Variants in SETBP1 observed in about 807,000 individuals in gnomAD.
SETBP1 encodes SET binding protein 1, also known as SET-binding protein.
SETBP1 carries 9 observed loss-of-function variants against 101.0 expected under a neutral mutation model. The ratio of observed to expected loss-of-function variants is 0.09; its 90% CI spans 0.05 to 0.16. The LOEUF (loss-of-function observed/expected upper bound fraction) is 0.16, where lower values mean the gene tolerates loss of function less well. Among genes scored for constraint, SETBP1 ranks in the 10% least tolerant of loss-of-function variants. The pLI, the probability that SETBP1 is intolerant of heterozygous loss-of-function variation, is 1.00. For missense variants in SETBP1, 1,858 were observed against 2,033.8 expected, an observed-to-expected ratio of 0.91 and a Z score of 1.66; for synonymous variants, 818 against 788.5, an observed-to-expected ratio of 1.04 and a Z score of -0.63.
At chr18:44,683,998 G>A (rs1314470699) in intron 1 of SETBP1, among the ~76,000 whole-genome samples, 2 of 152,224 alleles carry the variant, frequency 1.3e-5, no homozygotes, top group Non-Finnish European at 2.9e-5. Flanking sequence ...GTGTATGTGA[G>A]AGTCCTACCA....
chr18:44,854,650 G>A (rs12454763), intron 2 of SETBP1, among the ~76,000 whole-genome samples: 53,749 of 152,014 alleles, frequency 0.35, 9,942 homozygotes, highest in Non-Finnish European at 0.41. Context: ...CCTTGGCATC[G>A]TCCTTCACTC....
chr18:44,817,067 G>A (rs566096637), intron 2 of SETBP1, among the ~76,000 whole-genome samples: 3 of 152,320 alleles, frequency 2.0e-5, no homozygotes, highest in African/African-American at 7.2e-5. Flanking sequence ...ATCGACAGGA[G>A]GCGGATCTGC....
Position 45,063,532 on chromosome 18 carries a change from C to CGCCGCCG in SETBP1, c.4625_4626insGCCGCCG (p.Leu1544ProfsTer50). The CGCCGCCG allele has an allele frequency of 7.2e-7, 1 of 1,387,410 alleles. No homozygotes were observed. The highest frequency in any genetic ancestry group is 9.5e-7 in the Non-Finnish European group (1 of 1,055,448). 85.9% of individuals were successfully genotyped at this position (1,387,410 alleles called of 1,614,324 possible). A position where few individuals can be genotyped will look rare whatever the true frequency, so the allele number is the denominator to read the frequency against. ...CCGCCACCACCCCTGCCCCCGCCAC[C>CGCCGCCG]CCCTCTACCCAAGACCCCCCGAGGC... On this transcript the variant is annotated frameshift_variant, in exon 6 of 6. Transcript: ENST00000649279. LOFTEE classifies it high-confidence loss of function.
chr18:44,988,530 T>A (rs1365904964), intron 4 of SETBP1: 1 of 152,232 alleles, frequency 6.6e-6, no homozygotes, highest in East Asian at 1.9e-4. Flanking sequence ...GTACAGGTTC[T>A]GAGATGCTAA....
At chr18:44,931,840 C>T (rs578192291) in intron 3 of SETBP1, among the ~76,000 whole-genome samples, 105 of 152,240 alleles carry the variant, frequency 6.9e-4, no homozygotes, top group Non-Finnish European at 1.4e-3. Flanking sequence ...TGTCTCTGCA[C>T]GTGAGATGGG....
chr18:44,782,313 T>C (rs948368772), intron 2 of SETBP1, among the ~76,000 whole-genome samples: 1 of 7,990 alleles, frequency 1.3e-4, no homozygotes, highest in African/African-American at 2.8e-4. Context: ...AAATAAACTC[T>C]TTTTTTTTTT....
At chr18:44,997,018 G>T (rs1173930810) in intron 4 of SETBP1, among the ~76,000 whole-genome samples, 1 of 152,152 alleles carries the variant, frequency 6.6e-6, no homozygotes, top group Non-Finnish European at 1.5e-5. Flanking sequence ...GAGAAAGAGG[G>T]GAAACACTTG....
intron 2 of SETBP1, among the ~76,000 whole-genome samples, chr18:44,818,970 A>ATGTGTGTG (rs34458305): frequency 1.3e-3 from 196 of 148,510 alleles, no homozygotes; most frequent in African/African-American, 4.1e-3. Context: ...ATTTCACTGA[A>ATGTGTGTG]TGTGTGTGTG....
chr18:44,860,107 A>G (rs969250901), intron 2 of SETBP1, among the ~76,000 whole-genome samples: 2 of 152,146 alleles, frequency 1.3e-5, no homozygotes, highest in Middle Eastern at 3.2e-3. Context: ...AAGCTTTGAT[A>G]CTCATCTTGG....
In SETBP1 at chr18:45,066,848, T is replaced by C. The variant is rs551461496; in HGVS notation, c.*3150T>C. The C allele has an allele frequency of 2.0e-5, 3 of 152,212 alleles. No homozygotes were observed. Among genetic ancestry groups the C allele is most frequent in the Admixed American group, 2.0e-4 (3 of 15,292 alleles). 9.4% of individuals were successfully genotyped at this position (152,212 alleles called of 1,614,324 possible). On this transcript the variant is annotated 3_prime_UTR_variant, in exon 6 of 6. Coordinates refer to ENST00000649279, the MANE Select transcript of SETBP1 (RefSeq NM_015559.3). ...CACTTGTAAGGAGTCTGGTTAGTGA[T>C]GAGAAAAGGATGAAATCTAGATACA...
At chr18:44,906,269 A>T (rs1453071058) in intron 3 of SETBP1, among the ~76,000 whole-genome samples, 2 of 152,184 alleles carry the variant, frequency 1.3e-5, no homozygotes, top group Admixed American at 1.3e-4. Flanking sequence ...ACAACTCTGT[A>T]GAAAGCTCCA....
At chr18:44,848,722 CT>C (rs2072781670) in intron 2 of SETBP1, among the ~76,000 whole-genome samples, 2 of 152,210 alleles carry the variant, frequency 1.3e-5, no homozygotes, top group South Asian at 4.1e-4. Flanking sequence ...AATGCATAAT[CT>C]CCGCTTATTT....
chr18:44,861,813 G>A (rs564903156), intron 2 of SETBP1, among the ~76,000 whole-genome samples: 14 of 152,308 alleles, frequency 9.2e-5, no homozygotes, highest in Admixed American at 3.3e-4. Context: ...CGCAGAAGAT[G>A]CCCTACATAA....
At chr18:45,044,059 G>A (rs1388475565) in intron 5 of SETBP1, among the ~76,000 whole-genome samples, 1 of 152,142 alleles carries the variant, frequency 6.6e-6, no homozygotes, top group African/African-American at 2.4e-5. Flanking sequence ...TTGTTATGTT[G>A]AATGATGACC....
In SETBP1 at chr18:44,951,328, T is replaced by A. The variant is rs2071345242; in HGVS notation, c.1988T>A (p.Ile663Asn). 6.2e-7 allele frequency: 1 copy of A among 1,613,582 alleles called. No individual in the cohort carries two copies. The highest frequency in any genetic ancestry group is 8.5e-7 in the Non-Finnish European group (1 of 1,180,018). The change falls in exon 4 of 6, where the codon ATC (isoleucine) becomes AAC (asparagine). Residue 663 changes from isoleucine (I) to asparagine (N), a missense_variant. Around this residue, in one of 12 missense-constraint regions of SETBP1, gnomAD observed 111 missense variants for 119.3 expected, o/e 0.93. Coordinates refer to ENST00000649279, the MANE Select transcript of SETBP1 (RefSeq NM_015559.3). This position sits in a 1 kb window ranked among gnomAD's most constrained non-coding sequence, Gnocchi z 7.8. ...CTCGGCGTGTTGGATAAGAAGACCA[T>A]CAAAACTATCAATAAGATGAAGACA... Reference protein sequence around the residue: ...GKLGVLDKKTIKTINKMKTLK... With the variant: ...GKLGVLDKKTNKTINKMKTLK...
In SETBP1 at chr18:44,952,981, A is replaced by C; in HGVS notation, c.3641A>C (p.His1214Pro). The C allele has an allele frequency of 1.2e-6, 2 of 1,614,192 alleles. No homozygotes were observed. The highest frequency in any genetic ancestry group is 1.7e-6 in the Non-Finnish European group (2 of 1,180,022). ...NKHKEKQKHQ[H>P]SEAGHKASKN... ...CATAAGGAGAAACAGAAGCACCAGC[A>C]CAGCGAAGCCGGCCACAAAGCTTCT... Residue 1214 changes from histidine to proline, a missense_variant, in exon 4 of 6, where the codon CAC becomes CCC. By Grantham distance (77) the His-to-Pro change is moderately conservative. Transcript: ENST00000649279.
At chr18:44,767,473 T>C (rs1315520170) in intron 2 of SETBP1, among the ~76,000 whole-genome samples, 1 of 152,230 alleles carries the variant, frequency 6.6e-6, no homozygotes, top group Non-Finnish European at 1.5e-5. Flanking sequence ...TAAAAGTTTC[T>C]AGTTCAGCAA....
intron 3 of SETBP1, among the ~76,000 whole-genome samples, chr18:44,888,664 T>C (rs2069702552): frequency 6.6e-6 from 1 of 152,110 alleles, no homozygotes; most frequent in Admixed American, 6.6e-5. Flanking sequence ...ATATGAGCAG[T>C]GACTGTCATT....
chr18:44,846,887 T>C (rs2072735223), intron 2 of SETBP1, among the ~76,000 whole-genome samples: 2 of 152,238 alleles, frequency 1.3e-5, no homozygotes, highest in African/African-American at 4.8e-5. Context: ...TCTCAAGGGC[T>C]GTTACCATCT....
Sources: gnomAD v4.1 joint callset for allele counts (sites outside exome capture counted in the v4.1 genomes callset) on GRCh38, gnomAD v4.1.1 for gene constraint, gnomAD v4.1.1 regional missense constraint, Gnocchi (gnomAD v3.1) non-coding constraint, MANE v1.5 for transcripts, NCBI Gene and HGNC (gene_info 2026-07-23, HGNC 2026-07-21) for gene names.